The following ADGRA3 variants were observed in gnomAD, a reference collection of about 807,000 sequenced individuals.
ADGRA3 encodes the protein G-protein coupled receptor 125.
Under a neutral mutation model 119.8 loss-of-function variants are expected in ADGRA3, and 56 were observed. The observed-to-expected ratio is 0.47, with a 90% CI of 0.38 to 0.58. ADGRA3 has a LOEUF of 0.58. ADGRA3 is among the 20% of genes least tolerant of loss of function. The pLI is 0.00. For synonymous variants in ADGRA3, 607 were observed against 623.8 expected (o/e 0.97, Z 0.40); for missense variants, 1,516 against 1,649.0 (o/e 0.92, Z 1.40).
At chr4:22,417,540 A>G (rs1184362860) in intron 12 of ADGRA3, among the ~76,000 whole-genome samples, 1 of 152,180 alleles carries the variant, frequency 6.6e-6, no homozygotes, top group Non-Finnish European at 1.5e-5. Flanking sequence ...ACTGACATTC[A>G]GAAAGGTTAA....
intron 2 of ADGRA3, among the ~76,000 whole-genome samples, chr4:22,466,946 C>A (rs149930264): frequency 7.2e-5 from 11 of 152,240 alleles, no homozygotes; most frequent in African/African-American, 2.6e-4. Context: ...ATTACATTAA[C>A]CTTTCTATAA....
In ADGRA3 at chr4:22,515,882, G is replaced by C; in HGVS notation, c.-98C>G. 1.2e-6 allele frequency: 1 copy of C among 832,640 alleles called. No homozygotes were observed. The allele number at this position is 832,640 out of a possible 1,614,324, so 51.6% of individuals were successfully genotyped here. On this transcript the variant is annotated 5_prime_UTR_variant, in exon 1 of 19. Transcript: ENST00000334304. ...AGGAGCGCGGCGCGGGCCCAGCGGC[G>C]ACCGGAGCCTTATGGCGGCCGGAGG... is the stretch of plus-strand genomic sequence containing the variant.
chr4:22,503,553 T>C (rs1719125610), intron 1 of ADGRA3, among the ~76,000 whole-genome samples: 1 of 152,240 alleles, frequency 6.6e-6, no homozygotes, highest in East Asian at 1.9e-4. Context: ...ACCTGCTTTC[T>C]ACTATTCCAC....
At chr4:22,500,590 A>T (rs1719017067) in intron 1 of ADGRA3, among the ~76,000 whole-genome samples, 1 of 152,320 alleles carries the variant, frequency 6.6e-6, no homozygotes, top group South Asian at 2.1e-4. Flanking sequence ...TTTTAGGAGG[A>T]AGTTAAACTA....
At chr4:22,450,744 C>T (rs112344151) in intron 4 of ADGRA3, among the ~76,000 whole-genome samples, 1,752 of 152,096 alleles carry the variant, frequency 0.012, 52 homozygotes, top group East Asian at 0.057. Flanking sequence ...TCTCCATCTA[C>T]AGAGGAATGA....
At chr4:22,405,678 G>A (rs1169976320) in intron 14 of ADGRA3, among the ~76,000 whole-genome samples, 1 of 152,110 alleles carries the variant, frequency 6.6e-6, no homozygotes, top group African/African-American at 2.4e-5. Flanking sequence ...ACAAAGGCAT[G>A]AGTACCTCTG....
At chr4:22,474,451 C>G (rs528950440) in intron 1 of ADGRA3, among the ~76,000 whole-genome samples, 51 of 152,254 alleles carry the variant, frequency 3.3e-4, no homozygotes, top group African/African-American at 1.2e-3. Context: ...AAAACAAAAA[C>G]TGACTCAAAG....
At chr4:22,494,326 G>A (rs999547240) in intron 1 of ADGRA3, among the ~76,000 whole-genome samples, 2 of 151,912 alleles carry the variant, frequency 1.3e-5, no homozygotes, top group African/African-American at 4.9e-5. Context: ...GTCTAAAAAG[G>A]GGAGGCATGA....
At chr4:22,493,255 T>C (rs1042058050) in intron 1 of ADGRA3, among the ~76,000 whole-genome samples, 15 of 152,166 alleles carry the variant, frequency 9.9e-5, no homozygotes, top group Non-Finnish European at 2.2e-4. Flanking sequence ...CATGAGCCAC[T>C]GTGCCCAGCC....
At chr4:22,500,576 C>G (rs1719016915) in intron 1 of ADGRA3, among the ~76,000 whole-genome samples, 1 of 152,144 alleles carries the variant, frequency 6.6e-6, no homozygotes, top group African/African-American at 2.4e-5. Context: ...TATTACCAAA[C>G]CAGTTTTAGG....
intron 11 of ADGRA3, 57 bp from the exon 12 acceptor site, chr4:22,421,146 C>T (rs1715661733): frequency 7.0e-7 from 1 of 1,423,450 alleles, no homozygotes; most frequent in African/African-American, 1.4e-5. Flanking sequence ...AGGAAAAGCA[C>T]TTTCAAAGAC....
rs185789323 is a variant in ADGRA3, at chr4:22,402,313, A to G, written c.2357+362T>C. Among the ~76,000 whole-genome samples the G allele has an allele frequency of 1.4e-3, 214 of 152,264 alleles. 1 individual carries two copies. The highest frequency in any genetic ancestry group is 5.1e-3 in the African/African-American group (210 of 41,562). Reference sequence around the variant, plus strand: ...AAAGTCATAAAATAAGAGTAATAGTACAGTCTGATACTTAGAGACACCCCT... The same window carrying G: ...AAAGTCATAAAATAAGAGTAATAGTGCAGTCTGATACTTAGAGACACCCCT... On this transcript the variant is annotated intron_variant, in intron 15 of 18. Coordinates refer to ENST00000334304, the MANE Select transcript of ADGRA3 (RefSeq NM_145290.4).
intron 1 of ADGRA3, among the ~76,000 whole-genome samples, chr4:22,507,514 T>G (rs1347029637): frequency 6.6e-6 from 1 of 152,172 alleles, no homozygotes; most frequent in African/African-American, 2.4e-5. Context: ...TTTTAAACCA[T>G]CTTTACAGGC....
At chr4:22,500,311 A>C (rs1043322174) in intron 1 of ADGRA3, among the ~76,000 whole-genome samples, 1 of 152,208 alleles carries the variant, frequency 6.6e-6, no homozygotes, top group Non-Finnish European at 1.5e-5. Flanking sequence ...GTAACCTGAG[A>C]AGATAATTTA....
intron 1 of ADGRA3, among the ~76,000 whole-genome samples, chr4:22,485,232 C>T (rs1260441526): frequency 2.0e-5 from 3 of 151,874 alleles, no homozygotes; most frequent in Admixed American, 2.0e-4. Context: ...TAGACATGGG[C>T]CACCATACTT....
intron 1 of ADGRA3, among the ~76,000 whole-genome samples, chr4:22,512,921 C>A (rs1416245192): frequency 1.3e-5 from 2 of 151,014 alleles, no homozygotes; most frequent in African/African-American, 4.9e-5. Context: ...AAACTGTGCT[C>A]AACTAAGATG....
chr4:22,443,113 G>C (rs1716687875), intron 6 of ADGRA3: 1 of 679,094 alleles, frequency 1.5e-6, no homozygotes. Flanking sequence ...GGCATCCTAA[G>C]AGTATCAGAT....
intron 4 of ADGRA3, 152 bp downstream of exon 4, chr4:22,454,714 T>C (rs1717180306): frequency 1.6e-6 from 1 of 638,138 alleles, no homozygotes; most frequent in Admixed American, 2.7e-5. Flanking sequence ...GGAGATTACA[T>C]CCCCATGATT....
rs767520735 is a variant in ADGRA3 at position 22,387,903 on chromosome 4, T to C, written c.3768A>G (p.Pro1256=). The change falls in exon 19 of 19, where the codon CCA becomes CCG. Residue 1256 remains proline (P), a synonymous_variant. Transcript: ENST00000334304. ...LPKSSRNFEK[P]VSTTSKKDAL... is the part of the protein sequence containing the mutation. ...CATCTTTTTTACTAGTGGTTGAAAC[T>C]GGCTTTTCAAAATTTCTGCTACTTT... The C allele has an allele frequency of 1.2e-6, 2 of 1,614,186 alleles. No individual in the cohort carries two copies. The highest frequency in any genetic ancestry group is 2.2e-5 in the South Asian group (2 of 91,090).
Sources: gnomAD v4.1 joint callset for allele counts (sites outside exome capture counted in the v4.1 genomes callset) on GRCh38, gnomAD v4.1.1 for gene constraint, MANE v1.5 for transcripts, NCBI Gene and HGNC (gene_info 2026-07-23, HGNC 2026-07-21) for gene names.